CTXND1: variants seen among roughly 807,000 people sequenced by gnomAD.
CTXND1 encodes cortexin domain-containing 1 protein.
intron 1 of CTXND1, among the ~76,000 whole-genome samples, chr15:80,210,885 G>A (rs761038759): frequency 2.8e-4 from 42 of 152,300 alleles, no homozygotes; most frequent in Non-Finnish European, 4.9e-4. Flanking sequence ...CTCACTGTGT[G>A]CCCACAAGAC....
chr15:80,205,591 C>A (rs1893139417), intron 1 of CTXND1, among the ~76,000 whole-genome samples: 1 of 152,152 alleles, frequency 6.6e-6, no homozygotes. Context: ...TTTGTCTCAT[C>A]TGAGTTTTTT....
chr15:80,206,450 A>G (rs372237558), intron 1 of CTXND1, among the ~76,000 whole-genome samples: 4 of 152,000 alleles, frequency 2.6e-5, no homozygotes, highest in East Asian at 1.9e-4. Context: ...CTATTTTTCT[A>G]TTGGTTTTTT....
At chr15:80,216,722 C>T (rs1369475468) in intron 1 of CTXND1, among the ~76,000 whole-genome samples, 1 of 152,146 alleles carries the variant, frequency 6.6e-6, no homozygotes, top group Non-Finnish European at 1.5e-5. Context: ...TCAAGGGATT[C>T]TCCTGCCTCA....
At chr15:80,230,040 C>T (rs999870800) in intron 1 of CTXND1, among the ~76,000 whole-genome samples, 33 of 152,160 alleles carry the variant, frequency 2.2e-4, no homozygotes, top group Admixed American at 1.9e-3. Context: ...ATTTGAACGA[C>T]TTGGAACCAA....
At chr15:80,211,602 C>T (rs747738468) in intron 1 of CTXND1, among the ~76,000 whole-genome samples, 11 of 152,008 alleles carry the variant, frequency 7.2e-5, no homozygotes, top group Admixed American at 2.6e-4. Flanking sequence ...ATCAGCAGGG[C>T]GGGGGAGAGG....
intron 1 of CTXND1, among the ~76,000 whole-genome samples, chr15:80,227,763 G>A (rs745710005): frequency 1.3e-5 from 2 of 152,216 alleles, no homozygotes; most frequent in African/African-American, 2.4e-5. Flanking sequence ...GTTTTTGCTG[G>A]TGGAGGGTCT....
chr15:80,214,229 A>G (rs1030747862), intron 1 of CTXND1, among the ~76,000 whole-genome samples: 3 of 152,152 alleles, frequency 2.0e-5, no homozygotes, highest in Admixed American at 6.5e-5. Flanking sequence ...TTATTTTAAT[A>G]TTGATAGAAA....
intron 1 of CTXND1, among the ~76,000 whole-genome samples, chr15:80,208,437 C>T (rs1893172915): frequency 6.6e-6 from 1 of 152,182 alleles, no homozygotes; most frequent in Admixed American, 6.5e-5. Flanking sequence ...CTACTCACTG[C>T]TAGATCAAGA....
intron 1 of CTXND1, among the ~76,000 whole-genome samples, chr15:80,212,227 G>T (rs959597056): frequency 2.6e-5 from 4 of 152,174 alleles, no homozygotes; most frequent in Non-Finnish European, 5.9e-5. Context: ...GCTTCCTCCA[G>T]TCCCGTGTCA....
At chr15:80,209,099 G>T (rs1195093110) in intron 1 of CTXND1, among the ~76,000 whole-genome samples, 1 of 152,146 alleles carries the variant, frequency 6.6e-6, no homozygotes, top group Non-Finnish European at 1.5e-5. Context: ...CCACTGTCTT[G>T]TCTGGAACTG....
At chr15:80,233,844 T>C (rs1893460557) in intron 1 of CTXND1, among the ~76,000 whole-genome samples, 1 of 152,232 alleles carries the variant, frequency 6.6e-6, no homozygotes. Flanking sequence ...TTCCTCTGCA[T>C]GCGTGAAGAC....
rs1893702949 is a variant in CTXND1 at position 80,252,034 on chromosome 15, G to A, written c.-245C>T. The stretch of plus-strand genomic sequence containing the variant: ...GGCGAGGCCCGTCCCGTGCGCTCCC[G>A]GGGTCCTGGCTGGGCCGGCGCCGAG... On this transcript the variant is annotated 5_prime_UTR_variant, in exon 1 of 3. Transcript: ENST00000560778. 6.6e-6 allele frequency: 1 copy of A among 151,628 alleles called. No individual in the cohort carries two copies. The highest frequency in any genetic ancestry group is 1.5e-5 in the Non-Finnish European group (1 of 67,860). The allele number at this position is 151,628 out of a possible 1,614,324, so 9.4% of individuals were successfully genotyped here. A position where few individuals can be genotyped will look rare whatever the true frequency, so the allele number is the denominator to read the frequency against.
intron 1 of CTXND1, among the ~76,000 whole-genome samples, chr15:80,224,786 C>T (rs1160323175): frequency 9.2e-5 from 14 of 152,176 alleles, no homozygotes; most frequent in Non-Finnish European, 2.9e-5. Flanking sequence ...CTGTGTCACC[C>T]AGGCTGGAGT....
intron 1 of CTXND1, among the ~76,000 whole-genome samples, chr15:80,233,366 C>T (rs2142135879): frequency 6.6e-6 from 1 of 152,276 alleles, no homozygotes; most frequent in East Asian, 1.9e-4. Flanking sequence ...CATAGTTACT[C>T]AGCACAGTAA....
chr15:80,244,386 C>T (rs1595911082), intron 1 of CTXND1, among the ~76,000 whole-genome samples: 1 of 152,280 alleles, frequency 6.6e-6, no homozygotes, highest in African/African-American at 2.4e-5. Context: ...AAAATTGAAC[C>T]ACGAGGAGGC....
intron 1 of CTXND1, among the ~76,000 whole-genome samples, chr15:80,227,701 C>A (rs748317775): frequency 1.3e-5 from 2 of 152,106 alleles, no homozygotes; most frequent in Non-Finnish European, 2.9e-5. Context: ...TTAAAAAATA[C>A]GTTATTGCTA....
chr15:80,241,650 T>C (rs1893568540), intron 1 of CTXND1, among the ~76,000 whole-genome samples: 1 of 152,196 alleles, frequency 6.6e-6, no homozygotes, highest in East Asian at 1.9e-4. Flanking sequence ...CAAGCTCAGC[T>C]CTGCGTTCCA....
chr15:80,233,327 A>C (rs1424968606), intron 1 of CTXND1, among the ~76,000 whole-genome samples: 1 of 152,244 alleles, frequency 6.6e-6, no homozygotes, highest in African/African-American at 2.4e-5. Flanking sequence ...TGGGAAGAGT[A>C]AATGAGAATA....
intron 1 of CTXND1, among the ~76,000 whole-genome samples, chr15:80,249,914 A>G (rs1325056739): frequency 6.6e-6 from 1 of 152,246 alleles, no homozygotes; most frequent in Non-Finnish European, 1.5e-5. Context: ...AGAGCCTTCA[A>G]TGTCAAAATT....
Sources: allele counts gnomAD v4.1 joint callset (sites outside exome capture counted in the v4.1 genomes callset), GRCh38; gene constraint gnomAD v4.1.1; transcripts MANE v1.5; gene names NCBI Gene and HGNC (gene_info 2026-07-23, HGNC 2026-07-21).